The following SIPA1L2 variants were observed in gnomAD, a reference collection of about 807,000 sequenced individuals.
The protein encoded by SIPA1L2 is signal-induced proliferation-associated 1-like protein 2.
SIPA1L2 carries 56 observed loss-of-function variants against 163.9 expected under a neutral mutation model. The observed-to-expected ratio is 0.34, with a 90% confidence interval of 0.28 to 0.43. The LOEUF is 0.43. Ranked by LOEUF, SIPA1L2 falls within the 20% of genes least tolerant of loss-of-function variation. The pLI is 1.00. For synonymous variants in SIPA1L2, 877 were observed against 865.7 expected, an observed-to-expected ratio of 1.01 and a Z score of -0.23; for missense variants, 1,974 against 2,193.5, an observed-to-expected ratio of 0.90 and a Z score of 2.00.
intron 8 of SIPA1L2, among the ~76,000 whole-genome samples, chr1:232,469,920 T>G (rs910615325): frequency 4.0e-5 from 6 of 151,850 alleles, no homozygotes; most frequent in Non-Finnish European, 7.4e-5. Context: ...ATCTTTACAA[T>G]TTTTTGTGCT....
At chr1:232,543,037 T>C (rs183668491) in intron 2 of SIPA1L2, among the ~76,000 whole-genome samples, 1 of 152,190 alleles carries the variant, frequency 6.6e-6, no homozygotes, top group Non-Finnish European at 1.5e-5. Flanking sequence ...TTTTATAAAT[T>C]TGTGCGCCTT....
chr1:232,490,610 A>G (rs1665878030), intron 5 of SIPA1L2: 1 of 358,860 alleles, frequency 2.8e-6, no homozygotes, highest in Non-Finnish European at 5.0e-6. Flanking sequence ...TAATCATGCA[A>G]TCAGATGCAC....
chr1:232,462,250 G>A, intron 9 of SIPA1L2: 3 of 1,550,852 alleles, frequency 1.9e-6, no homozygotes. Flanking sequence ...ATCACCCGAT[G>A]ACTATGACCT....
rs1295963633 is a variant in SIPA1L2 at position 232,465,922 on chromosome 1, A to G, written c.2244-506T>C. 1.3e-5 allele frequency among the ~76,000 whole-genome samples: 2 copies of G among 151,838 alleles called. No homozygotes were observed. Among genetic ancestry groups the G allele is most frequent in the African/African-American group, 4.8e-5 (2 of 41,346 alleles). Reference sequence around the variant, plus strand: ...AGACACAAGGAGAAGACGGCCATCCATAAGCCAAGGGGAGAGGTCTCAGGA... The same window carrying G: ...AGACACAAGGAGAAGACGGCCATCCGTAAGCCAAGGGGAGAGGTCTCAGGA... On this transcript the variant is annotated intron_variant, in intron 8 of 22. Transcript: ENST00000674635. This position sits in a 1 kb window ranked among gnomAD's most constrained non-coding sequence, Gnocchi z 4.1.
chr1:232,447,711 T>C (rs1663299765), intron 10 of SIPA1L2, among the ~76,000 whole-genome samples: 1 of 152,244 alleles, frequency 6.6e-6, no homozygotes, highest in Non-Finnish European at 1.5e-5. Flanking sequence ...TGGATATTGC[T>C]GTTAGGCATG....
chr1:232,408,036 G>T (rs557291863), intron 19 of SIPA1L2, among the ~76,000 whole-genome samples: 1 of 152,214 alleles, frequency 6.6e-6, no homozygotes, highest in East Asian at 1.9e-4. Flanking sequence ...ATGATTCTAC[G>T]TAACAAAGGG....
At chr1:232,537,762 C>A (rs574893361) in intron 2 of SIPA1L2, among the ~76,000 whole-genome samples, 1 of 152,262 alleles carries the variant, frequency 6.6e-6, no homozygotes, top group Non-Finnish European at 1.5e-5. Context: ...TTAATAGGAC[C>A]TAACTCACAG....
chr1:232,510,096 C>T (rs1013126851), intron 3 of SIPA1L2, among the ~76,000 whole-genome samples: 5 of 152,086 alleles, frequency 3.3e-5, no homozygotes, highest in South Asian at 2.1e-4. Flanking sequence ...ACATACATGA[C>T]GGTGGTCCCA....
intron 10 of SIPA1L2, among the ~76,000 whole-genome samples, chr1:232,458,887 T>C (rs1297926938): frequency 6.6e-6 from 1 of 152,242 alleles, no homozygotes; most frequent in Non-Finnish European, 1.5e-5. Flanking sequence ...TAGCAGTACA[T>C]GTGATTCATG....
chr1:232,541,673 G>A (rs1657687478), intron 2 of SIPA1L2, among the ~76,000 whole-genome samples: 1 of 152,070 alleles, frequency 6.6e-6, no homozygotes, highest in Admixed American at 6.6e-5. Context: ...CCGCTCATTT[G>A]ATGCTTTTTA....
intron 22 of SIPA1L2, among the ~76,000 whole-genome samples, chr1:232,400,206 CT>C (rs1246898886): frequency 6.6e-6 from 1 of 151,970 alleles, no homozygotes; most frequent in Non-Finnish European, 1.5e-5. Flanking sequence ...TCACTTCACT[CT>C]AAGAAGCAGC....
At chr1:232,580,621 A>C (rs1003911025) in intron 1 of SIPA1L2, among the ~76,000 whole-genome samples, 3 of 152,322 alleles carry the variant, frequency 2.0e-5, no homozygotes, top group Middle Eastern at 3.4e-3. Flanking sequence ...CTCATGATGC[A>C]GATGAAACCT....
intron 2 of SIPA1L2, among the ~76,000 whole-genome samples, chr1:232,530,748 G>C (rs1395100937): frequency 6.6e-6 from 1 of 152,126 alleles, no homozygotes; most frequent in Non-Finnish European, 1.5e-5. Flanking sequence ...AATTTTAGAA[G>C]GGAGTTGTCA....
intron 2 of SIPA1L2, among the ~76,000 whole-genome samples, chr1:232,559,008 T>C (rs1210289381): frequency 1.3e-5 from 2 of 152,196 alleles, no homozygotes; most frequent in African/African-American, 2.4e-5. Flanking sequence ...TACCATGATA[T>C]AAAATTCACT....
chr1:232,517,474 A>G (rs942274703), intron 2 of SIPA1L2, among the ~76,000 whole-genome samples: 2 of 152,220 alleles, frequency 1.3e-5, no homozygotes, highest in African/African-American at 2.4e-5. Context: ...TCTGAGTTTA[A>G]GCCACCAACT....
chr1:232,553,227 C>G (rs997154295), intron 2 of SIPA1L2, among the ~76,000 whole-genome samples: 14 of 152,146 alleles, frequency 9.2e-5, no homozygotes, highest in Admixed American at 5.9e-4. Flanking sequence ...GGCTGATCTC[C>G]TCCCCAACTG....
At chr1:232,495,346 G>A (rs1666127438) in intron 3 of SIPA1L2, among the ~76,000 whole-genome samples, 1 of 152,080 alleles carries the variant, frequency 6.6e-6, no homozygotes, top group Non-Finnish European at 1.5e-5. Flanking sequence ...GGCGGATCAC[G>A]AGGTTAGGAG....
intron 2 of SIPA1L2, among the ~76,000 whole-genome samples, 91 bp downstream of exon 2, chr1:232,574,083 A>C (rs1056246480): frequency 7.2e-5 from 11 of 152,250 alleles, no homozygotes; most frequent in Admixed American, 6.5e-4. Flanking sequence ...AAACCAAAAC[A>C]ATCTTTTAAA....
Position 232,479,608 on chromosome 1 carries a change from C to T in SIPA1L2, c.2085+19G>A, listed in dbSNP as rs867758989. The T allele has an allele frequency of 1.3e-5, 21 of 1,603,430 alleles. 1 individual carries two copies. The Middle Eastern group carries it at 3.3e-3, about 253-fold the overall frequency. On this transcript the variant is annotated intron_variant, in intron 7 of 22. Transcript: ENST00000674635. Reference sequence around the variant, plus strand: ...ATTTCATACTCAGCGTAAAAAGCTCCAGGCTGGGGAGGACATACCTGTTGT... The same window carrying T: ...ATTTCATACTCAGCGTAAAAAGCTCTAGGCTGGGGAGGACATACCTGTTGT...
Sources: allele counts gnomAD v4.1 joint callset (sites outside exome capture counted in the v4.1 genomes callset), GRCh38; gene constraint gnomAD v4.1.1; non-coding constraint Gnocchi (gnomAD v3.1); transcripts MANE v1.5; gene names NCBI Gene and HGNC (gene_info 2026-07-23, HGNC 2026-07-21).